Variants in GCNT1 observed in about 807,000 individuals in gnomAD.
GCNT1 encodes glucosaminyl (N-acetyl) transferase 1, also known as beta-1,3-galactosyl-O-glycosyl-glycoprotein beta-1,6-N-acetylglucosaminyltransferase.
GCNT1 carries 16 observed loss-of-function variants against 26.2 expected under a neutral mutation model. The observed-to-expected ratio is 0.61, with a 90% confidence interval of 0.41 to 0.93. The LOEUF (loss-of-function observed/expected upper bound fraction) is 0.93, where lower values mean the gene tolerates loss of function less well. Ranked by LOEUF, GCNT1 falls within the 40% of genes least tolerant of loss-of-function variation. GCNT1 has a pLI of 0.00. For missense variants in GCNT1, 477 were observed against 526.7 expected (o/e 0.91, Z 0.92); for synonymous variants, 183 against 190.8 (o/e 0.96, Z 0.34).
At chr9:76,398,079 T>C in the GCNT1 span, among the ~76,000 whole-genome samples, 1 of 152,312 alleles carries the variant, frequency 6.6e-6, no homozygotes, top group East Asian at 1.9e-4. Flanking sequence ...CACTTGCACA[T>C]CCTTTCAGCT....
intron 1 of GCNT1, among the ~76,000 whole-genome samples, chr9:76,430,391 A>AT (rs964806515): frequency 4.6e-4 from 69 of 150,092 alleles, no homozygotes; most frequent in Middle Eastern, 3.4e-3. Context: ...CAGAACACTC[A>AT]TTTTTTTTTT....
chr9:76,502,196 TA>T lies in GCNT1; in HGVS notation c.-143-42del, dbSNP rs1413351704. The T allele has an allele frequency of 2.5e-3, 508 of 201,594 alleles. 3 individuals are homozygous for T. Among genetic ancestry groups the T allele is most frequent in the African/African-American group, 0.011 (484 of 42,474 alleles). The allele number at this position is 201,594 out of a possible 1,614,324, so 12.5% of individuals were successfully genotyped here. ...CTCTCTCTGTATATATATATATATA[TA>T]TATATATTTATTTATATTTATAATT... is the stretch of plus-strand genomic sequence containing the variant. On this transcript the variant is annotated intron_variant, in intron 3 of 3. Transcript: ENST00000376730.
At chr9:76,440,762 A>G (rs933456840), upstream of GCNT1, among the ~76,000 whole-genome samples, 2 of 152,020 alleles carry the variant, frequency 1.3e-5, no homozygotes, top group Non-Finnish European at 2.9e-5. Context: ...TCAGCTGGGG[A>G]GCTTTTAAAA....
chr9:76,433,060 CT>C (rs1283277902), intron 1 of GCNT1, among the ~76,000 whole-genome samples: 1 of 152,172 alleles, frequency 6.6e-6, no homozygotes, highest in Non-Finnish European at 1.5e-5. Flanking sequence ...CCCCTCTCTA[CT>C]GAGAGCTGTT....
chr9:76,488,794 C>T (rs146051773), intron 2 of GCNT1, among the ~76,000 whole-genome samples: 129 of 152,294 alleles, frequency 8.5e-4, no homozygotes, highest in African/African-American at 2.9e-3. Context: ...TAAGCCAGCG[C>T]ACCTGGCCGA....
chr9:76,474,499 T>A (rs375291755), intron 2 of GCNT1, among the ~76,000 whole-genome samples: 45 of 152,134 alleles, frequency 3.0e-4, no homozygotes, highest in African/African-American at 1.1e-3. Context: ...AACCATAAGA[T>A]AAACTAATTG....
At chr9:76,495,737 G>A (rs1824891376) in intron 2 of GCNT1, among the ~76,000 whole-genome samples, 1 of 152,168 alleles carries the variant, frequency 6.6e-6, no homozygotes, top group Admixed American at 6.5e-5. Flanking sequence ...CAAGAGGGAG[G>A]GAATTTGACT....
chr9:76,465,313 G>A (rs974339330), intron 2 of GCNT1, among the ~76,000 whole-genome samples: 3 of 151,942 alleles, frequency 2.0e-5, no homozygotes, highest in Non-Finnish European at 2.9e-5. Context: ...TAGTAGAGAC[G>A]GGGTTTCAGC....
chr9:76,410,406 T>A, the GCNT1 span, among the ~76,000 whole-genome samples: 1 of 152,264 alleles, frequency 6.6e-6, no homozygotes, highest in East Asian at 1.9e-4. Context: ...CATTCCAGTC[T>A]GGGTGACAAG....
At chr9:76,412,128 T>C in the GCNT1 span, among the ~76,000 whole-genome samples, 1 of 152,262 alleles carries the variant, frequency 6.6e-6, no homozygotes. Context: ...TACTTTATAA[T>C]AACAAAATAT....
chr9:76,468,914 A>G (rs922477084), intron 2 of GCNT1, among the ~76,000 whole-genome samples: 9 of 152,350 alleles, frequency 5.9e-5, no homozygotes, highest in South Asian at 4.1e-4. Flanking sequence ...GTGAGTTATC[A>G]AAGCTCTCAA....
At chr9:76,394,499 C>T in the GCNT1 span, 1 of 246,958 alleles carries the variant, frequency 4.0e-6, no homozygotes, top group Non-Finnish European at 7.8e-6. Context: ...CCGGCGTGCG[C>T]TCCCTTCCTC....
upstream of GCNT1, among the ~76,000 whole-genome samples, chr9:76,418,895 G>A (rs888740348): frequency 2.0e-5 from 3 of 152,156 alleles, no homozygotes; most frequent in South Asian, 2.1e-4. Context: ...ATGAGATTTC[G>A]GAGAGGGGAT....
At chr9:76,467,131 C>G (rs1339165776) in intron 2 of GCNT1, among the ~76,000 whole-genome samples, 1 of 152,140 alleles carries the variant, frequency 6.6e-6, no homozygotes, top group East Asian at 1.9e-4. Context: ...CAACCTACGC[C>G]TCCCAGGTTC....
At chr9:76,430,965 C>T (rs1174999487) in intron 1 of GCNT1, among the ~76,000 whole-genome samples, 4 of 152,154 alleles carry the variant, frequency 2.6e-5, no homozygotes, top group Non-Finnish European at 5.9e-5. Flanking sequence ...GGATTACGGG[C>T]ATGAGCCACT....
In GCNT1 at chr9:76,502,760, A is replaced by T; in HGVS notation, c.379A>T (p.Ile127Leu). The T allele has an allele frequency of 6.2e-7, 1 of 1,614,170 alleles. No homozygotes were observed. The highest frequency in any genetic ancestry group is 8.5e-7 in the Non-Finnish European group (1 of 1,180,004). Residue 127 changes from isoleucine (I) to leucine (L), a missense_variant, in exon 4 of 4, where the codon ATA (isoleucine) becomes TTA (leucine). Coordinates refer to ENST00000376730, the MANE Select transcript of GCNT1 (RefSeq NM_001490.5). ...GGCGGAGTTTCCAATAGCATATTCT[A>T]TAGTGGTTCATCACAAGATTGAAAT... The part of the protein sequence containing the change: ...EEAEFPIAYS[I>L]VVHHKIEMLD...
the GCNT1 span, among the ~76,000 whole-genome samples, chr9:76,400,133 T>A: frequency 6.6e-6 from 1 of 152,176 alleles, no homozygotes. Context: ...GTGAAACTAT[T>A]CTGTATGATA....
intron 1 of GCNT1, among the ~76,000 whole-genome samples, chr9:76,443,636 TG>T (rs1396868402): frequency 6.6e-6 from 1 of 152,202 alleles, no homozygotes; most frequent in East Asian, 1.9e-4. Context: ...GTCACAGTGC[TG>T]CAGAGATTTT....
the GCNT1 span, among the ~76,000 whole-genome samples, chr9:76,401,048 G>A: frequency 5.3e-5 from 8 of 152,184 alleles, no homozygotes; most frequent in Non-Finnish European, 1.2e-4. Flanking sequence ...CTAAATCAGT[G>A]TGTAATGTGT....
Sources: allele counts gnomAD v4.1 joint callset (sites outside exome capture counted in the v4.1 genomes callset), GRCh38; gene constraint gnomAD v4.1.1; transcripts MANE v1.5; gene names NCBI Gene and HGNC (gene_info 2026-07-23, HGNC 2026-07-21).